The following ABCC9 variants were observed in gnomAD, a reference collection of about 807,000 sequenced individuals.
The protein encoded by ABCC9 is ATP binding cassette subfamily C member 9.
A neutral mutation model predicts 188.3 loss-of-function variants in ABCC9; 95 were observed. The observed-to-expected ratio is 0.50, with a 90% CI of 0.43 to 0.60. ABCC9 has a LOEUF of 0.60. Ranked by LOEUF, ABCC9 falls within the 20% of genes least tolerant of loss-of-function variation. The probability of loss-of-function intolerance (pLI) is 0.00; values close to 1 mark genes in which losing one functional copy is unlikely to be tolerated. For synonymous variants in ABCC9, 659 were observed against 652.7 expected (o/e 1.01, Z -0.15); for missense variants, 1,102 against 1,876.3 (o/e 0.59, Z 7.62).
At chr12:21,852,073 C>G (rs1237586107) in intron 24 of ABCC9, 24 bp downstream of exon 24, 11 of 1,613,064 alleles carry the variant, frequency 6.8e-6, no homozygotes, top group Non-Finnish European at 8.5e-6. Flanking sequence ...GGGCTCTGAA[C>G]TCTTCTGAAC....
intron 7 of ABCC9, among the ~76,000 whole-genome samples, chr12:21,915,450 ATATATGTGTG>A (rs1394888165): frequency 6.1e-5 from 6 of 98,970 alleles, no homozygotes; most frequent in African/African-American, 2.2e-4. Flanking sequence ...GTATATATGT[ATATATGTGTG>A]TATATGTGTG....
At chr12:21,876,267 C>A (rs1020531480) in intron 16 of ABCC9, among the ~76,000 whole-genome samples, 18 of 152,236 alleles carry the variant, frequency 1.2e-4, no homozygotes, top group Admixed American at 5.2e-4. Context: ...AGATAGTTTA[C>A]ATATGGACAT....
intron 8 of ABCC9, among the ~76,000 whole-genome samples, chr12:21,912,215 C>G (rs111979802): frequency 5.7e-4 from 87 of 152,048 alleles, no homozygotes; most frequent in African/African-American, 1.8e-3. Flanking sequence ...ATGGATTAAT[C>G]TGGCGATAGT....
intron 31 of ABCC9, chr12:21,827,056 A>C (rs539456506): frequency 1.1e-6 from 1 of 950,244 alleles, no homozygotes; most frequent in Non-Finnish European, 1.3e-6. Context: ...TTGCAGGTGG[A>C]ATTCAAGATA....
rs4762719 is a variant in ABCC9 at position 21,910,803 on chromosome 12, T to G, written c.1164+23A>C. 2,743 of 1,594,076 alleles carry G rather than the reference T, an allele frequency of 1.7e-3. 42 individuals are homozygous for G. The African/African-American group carries it at 0.031, about 18-fold the overall frequency. ...GTATATAGCATTCTTAGGAAACAAA[T>G]AGTATTCACAGCCTTTACATACCAG... On this transcript the variant is annotated intron_variant, in intron 9 of 39. Coordinates refer to ENST00000261200, the MANE Select transcript of ABCC9 (RefSeq NM_020297.4).
chr12:21,870,267 T>A (rs1008257114), intron 18 of ABCC9, among the ~76,000 whole-genome samples: 12 of 152,138 alleles, frequency 7.9e-5, no homozygotes, highest in Non-Finnish European at 1.5e-4. Flanking sequence ...TTTTGTTTTT[T>A]TTTTTAAGAG....
chr12:21,831,046 G>C (rs1040272026), intron 30 of ABCC9: 2 of 148,914 alleles, frequency 1.3e-5, no homozygotes, highest in African/African-American at 5.0e-5. Flanking sequence ...ATACACACAC[G>C]CAAGGCTCAT....
At chr12:21,936,748 C>G (rs888029664) in intron 2 of ABCC9, 54 bp from the exon 3 acceptor site, 2 of 1,358,186 alleles carry the variant, frequency 1.5e-6, no homozygotes, top group East Asian at 4.6e-5. Context: ...AACTCTTGTT[C>G]ATAAAATTAT....
chr12:21,910,203 A>G lies in ABCC9; in HGVS notation c.1274T>C (p.Met425Thr), dbSNP rs751307815. 4 of 1,611,694 alleles carry G rather than the reference A, an allele frequency of 2.5e-6. No homozygotes were observed. The East Asian group carries it at 8.9e-5, about 36-fold the overall frequency. Residue 425 changes from methionine to threonine, a missense_variant, in exon 10 of 40, where the codon ATG (methionine) becomes ACG (threonine). This residue lies in a region of ABCC9 where 305 missense variants were observed against 573.0 expected (regional missense o/e 0.53). Coordinates refer to ENST00000261200, the MANE Select transcript of ABCC9 (RefSeq NM_020297.4). ...NLVAIETNQL[M>T]WFLFLCPNLW... ...ATTGGGACACAGGAACAAAAACCAC[A>G]TGAGTTGATTAGTTTCAATGGCGAC...
intron 5 of ABCC9, among the ~76,000 whole-genome samples, chr12:21,921,877 C>G (rs909884108): frequency 4.6e-5 from 7 of 151,918 alleles, no homozygotes; most frequent in Admixed American, 4.6e-4. Context: ...GATAACTTCA[C>G]TATAGATGTA....
chr12:21,870,298 C>T (rs1018595084), intron 18 of ABCC9, among the ~76,000 whole-genome samples: 2 of 151,640 alleles, frequency 1.3e-5, no homozygotes, highest in African/African-American at 4.9e-5. Context: ...ACTCTGTCGC[C>T]CAGGCTGGAG....
intron 31 of ABCC9, among the ~76,000 whole-genome samples, chr12:21,822,630 T>A (rs1271777362): frequency 8.1e-6 from 1 of 123,748 alleles, no homozygotes; most frequent in Non-Finnish European, 1.7e-5. Context: ...AAACCCCATC[T>A]CTACACAAAA....
intron 4 of ABCC9, among the ~76,000 whole-genome samples, chr12:21,930,639 A>G (rs1949246089): frequency 6.6e-6 from 1 of 152,224 alleles, no homozygotes; most frequent in Non-Finnish European, 1.5e-5. Flanking sequence ...TGTCTACACA[A>G]TATGTGCAAA....
At position 21,910,277 on chromosome 12, in the gene ABCC9, C is replaced by T. The variant is rs150096625; in HGVS notation, c.1200G>A (p.Thr400=). 5.6e-5 allele frequency: 89 copies of T among 1,602,844 alleles called. 1 individual carries two copies. In the African/African-American group the frequency reaches 1.0e-3, roughly 19 times the overall value. ...TCATCTCCCCCATGGATAAGTTAGA[C>T]GTAGAGAGCCTAAGGATTTTATTAT... is the stretch of plus-strand genomic sequence containing the variant. ...MIYNKILRLS[T]SNLSMGEMTL... Residue 400 remains threonine (T), a synonymous_variant, in exon 10 of 40, where the codon ACG becomes ACA. Coordinates refer to ENST00000261200, the MANE Select transcript of ABCC9 (RefSeq NM_020297.4).
intron 18 of ABCC9, among the ~76,000 whole-genome samples, chr12:21,866,807 T>C (rs1945804938): frequency 6.6e-6 from 1 of 152,164 alleles, no homozygotes; most frequent in African/African-American, 2.4e-5. Context: ...CTCATCCAGG[T>C]TGCAATGCAC....
intron 19 of ABCC9, 33 bp downstream of exon 19, chr12:21,864,406 C>T: frequency 2.0e-6 from 3 of 1,476,930 alleles, no homozygotes; most frequent in Non-Finnish European, 1.9e-6. Flanking sequence ...GGAAGTTATT[C>T]TTATTAAACT....
chr12:21,861,230 C>CTT lies in ABCC9; in HGVS notation c.2340-176_2340-175insAA, dbSNP rs1350257236. ...AGATACATAAGTACTACTTCCCCCCCCTTTTTTTTTTTTTTTTGAAGACAG... is the reference window on the plus strand; with the variant it reads ...AGATACATAAGTACTACTTCCCCCCCTTCTTTTTTTTTTTTTTTTGAAGACAG... On this transcript the variant is annotated intron_variant, in intron 20 of 39. Transcript: ENST00000261200. Among the ~76,000 whole-genome samples, 2 of 146,670 alleles carry CTT rather than the reference C, an allele frequency of 1.4e-5. 1 individual carries two copies.
At chr12:21,841,001 C>T (rs1944353943) in intron 29 of ABCC9, among the ~76,000 whole-genome samples, 1 of 152,202 alleles carries the variant, frequency 6.6e-6, no homozygotes, top group Non-Finnish European at 1.5e-5. Context: ...CTTATTCTAG[C>T]ACTTATCCAT....
chr12:21,834,786 TAC>T (rs61211269), intron 30 of ABCC9, among the ~76,000 whole-genome samples: 4,848 of 141,484 alleles, frequency 0.034, 207 homozygotes, highest in African/African-American at 0.094. Flanking sequence ...TATAACATTA[TAC>T]ACACACACAC....
Sources: allele counts gnomAD v4.1 joint callset (sites outside exome capture counted in the v4.1 genomes callset), GRCh38; gene constraint gnomAD v4.1.1; regional missense constraint gnomAD v4.1.1; transcripts MANE v1.5; gene names NCBI Gene and HGNC (gene_info 2026-07-23, HGNC 2026-07-21).